XRCC4: variants seen among roughly 807,000 people sequenced by gnomAD.
XRCC4 encodes DNA repair protein XRCC4.
XRCC4 carries 28 observed loss-of-function variants against 39.1 expected under a neutral mutation model. That is an observed-to-expected ratio of 0.72 (90% CI 0.53 to 0.98). XRCC4 has a LOEUF of 0.98. XRCC4 is among the 50% of genes least tolerant of loss of function. The probability of loss-of-function intolerance (pLI) is 0.00; values close to 1 mark genes in which losing one functional copy is unlikely to be tolerated. For synonymous variants in XRCC4, 123 were observed against 126.4 expected (o/e 0.97, Z 0.18); for missense variants, 350 against 376.4 (o/e 0.93, Z 0.58).
chr5:83,373,589 T>C, the XRCC4 span, among the ~76,000 whole-genome samples: 488 of 152,288 alleles, frequency 3.2e-3, 2 homozygotes, highest in African/African-American at 0.011. Flanking sequence ...TCACTTTGAG[T>C]TCCATAATGA....
At chr5:83,264,887 T>C (rs527901117) in intron 7 of XRCC4, among the ~76,000 whole-genome samples, 2 of 152,186 alleles carry the variant, frequency 1.3e-5, no homozygotes, top group South Asian at 2.1e-4. Context: ...ATATTACACA[T>C]ACATGTATGT....
the XRCC4 span, among the ~76,000 whole-genome samples, chr5:83,373,605 T>G: frequency 6.6e-6 from 1 of 152,216 alleles, no homozygotes; most frequent in Non-Finnish European, 1.5e-5. Flanking sequence ...AATGAGAAAT[T>G]GACTTCTTTA....
chr5:83,290,239 T>C (rs1754872248), intron 7 of XRCC4, among the ~76,000 whole-genome samples: 1 of 151,774 alleles, frequency 6.6e-6, no homozygotes, highest in Non-Finnish European at 1.5e-5. Flanking sequence ...GGAGAAAAGA[T>C]TATCTTTACG....
chr5:83,365,961 C>A, the XRCC4 span, among the ~76,000 whole-genome samples: 1 of 152,140 alleles, frequency 6.6e-6, no homozygotes, highest in East Asian at 1.9e-4. Context: ...TGAAACTGTG[C>A]AAACCTGTTC....
intron 7 of XRCC4, among the ~76,000 whole-genome samples, chr5:83,345,221 T>C (rs752111549): frequency 5.3e-5 from 8 of 152,200 alleles, no homozygotes; most frequent in Non-Finnish European, 7.4e-5. Flanking sequence ...TTACTTCAAA[T>C]GCAATTCAGT....
chr5:83,238,373 G>T (rs1752772118), intron 6 of XRCC4, among the ~76,000 whole-genome samples: 1 of 152,166 alleles, frequency 6.6e-6, no homozygotes, highest in Non-Finnish European at 1.5e-5. Flanking sequence ...GAAAAGATCT[G>T]TCAGGCTTCA....
At chr5:83,276,220 A>AT (rs1481002610) in intron 7 of XRCC4, among the ~76,000 whole-genome samples, 1 of 152,192 alleles carries the variant, frequency 6.6e-6, no homozygotes, top group Non-Finnish European at 1.5e-5. Context: ...AAAGTGTTGA[A>AT]TAACTCATGT....
chr5:83,165,433 TACTG>T (rs1487819355), intron 3 of XRCC4, among the ~76,000 whole-genome samples: 11 of 152,190 alleles, frequency 7.2e-5, no homozygotes, highest in Non-Finnish European at 1.6e-4. Context: ...TTGTTGAAAT[TACTG>T]AGGAGAATGA....
downstream of XRCC4, among the ~76,000 whole-genome samples, chr5:83,357,898 A>G (rs970654638): frequency 2.0e-5 from 3 of 152,212 alleles, no homozygotes; most frequent in Admixed American, 1.3e-4. Context: ...TCAATTTTTA[A>G]TAAAAGTGAA....
intron 1 of XRCC4, among the ~76,000 whole-genome samples, chr5:83,087,209 C>T (rs1298855090): frequency 7.2e-5 from 11 of 151,734 alleles, no homozygotes; most frequent in South Asian, 2.1e-4. Flanking sequence ...CTCAGCTACT[C>T]GGGAGGCTGA....
chr5:83,210,554 A>G (rs1345738726), intron 6 of XRCC4, among the ~76,000 whole-genome samples: 2 of 152,206 alleles, frequency 1.3e-5, no homozygotes, highest in East Asian at 1.9e-4. Flanking sequence ...GCCTTGTAAT[A>G]TAATAATTAA....
intron 3 of XRCC4, among the ~76,000 whole-genome samples, chr5:83,133,673 T>C (rs893163149): frequency 2.0e-5 from 3 of 152,210 alleles, no homozygotes; most frequent in Non-Finnish European, 4.4e-5. Flanking sequence ...TCCATGGGCA[T>C]GGGACTCTCC....
At chr5:83,115,421 C>G (rs1746663149) in intron 3 of XRCC4, among the ~76,000 whole-genome samples, 1 of 150,736 alleles carries the variant, frequency 6.6e-6, no homozygotes, top group Non-Finnish European at 1.5e-5. Context: ...GTGTGAAACT[C>G]TGTCTCAAAA....
At chr5:83,106,886 AAAT>A (rs1168236451) in intron 2 of XRCC4, among the ~76,000 whole-genome samples, 2 of 152,044 alleles carry the variant, frequency 1.3e-5, no homozygotes, top group Non-Finnish European at 2.9e-5. Flanking sequence ...CGAAAAAAGA[AAAT>A]AAATTGTTCA....
chr5:83,271,974 T>C (rs976497486), intron 7 of XRCC4, among the ~76,000 whole-genome samples: 5 of 152,300 alleles, frequency 3.3e-5, no homozygotes, highest in African/African-American at 1.2e-4. Context: ...CCATAAATCC[T>C]AAAATAGGAG....
intron 6 of XRCC4, among the ~76,000 whole-genome samples, chr5:83,213,350 A>T (rs770536442): frequency 2.2e-4 from 33 of 152,242 alleles, no homozygotes; most frequent in Non-Finnish European, 4.4e-4. Flanking sequence ...ATATAAATAC[A>T]TATTTTCTTT....
chr5:83,355,262 T>G (rs1179297063), downstream of XRCC4, among the ~76,000 whole-genome samples: 2 of 152,110 alleles, frequency 1.3e-5, no homozygotes, highest in Non-Finnish European at 1.5e-5. Context: ...TTGTCCACCC[T>G]CCCAGTCACT....
rs1554065873 is a variant in XRCC4, at chr5:83,218,062, T to TATATATATA, written c.745+13141_745+13142insATATATATA. ...TTGAACTTCTCAGTCTTTACCTTTT[T>TATATATATA]TATATATATATATATATTTATTAGA... is the stretch of plus-strand genomic sequence containing the variant. On this transcript the variant is annotated intron_variant, in intron 6 of 7. Coordinates refer to ENST00000396027, the MANE Select transcript of XRCC4 (RefSeq NM_003401.5). Among the ~76,000 whole-genome samples, 882 of 147,578 alleles carry TATATATATA rather than the reference T, an allele frequency of 6.0e-3. 9 individuals are homozygous for TATATATATA. The highest frequency in any genetic ancestry group is 0.021 in the African/African-American group (836 of 39,842).
downstream of XRCC4, chr5:83,356,792 G>C: frequency 2.2e-6 from 1 of 449,304 alleles, no homozygotes; most frequent in Non-Finnish European, 4.5e-6. Context: ...AATGCAGCAT[G>C]GCTTTTTTGA....
Sources: gnomAD v4.1 joint callset for allele counts (sites outside exome capture counted in the v4.1 genomes callset) on GRCh38, gnomAD v4.1.1 for gene constraint, MANE v1.5 for transcripts, NCBI Gene and HGNC (gene_info 2026-07-23, HGNC 2026-07-21) for gene names.